The following RFC3 variants were observed in gnomAD, a reference collection of about 807,000 sequenced individuals.
RFC3 encodes replication factor C subunit 3, also known as A1 38 kDa subunit.
Under a neutral mutation model 45.1 loss-of-function variants are expected in RFC3, and 41 were observed. The observed-to-expected ratio is 0.91, with a 90% CI of 0.71 to 1.18. The LOEUF (loss-of-function observed/expected upper bound fraction) is 1.18. RFC3 is among the 50% of genes most tolerant of loss of function. RFC3 has a pLI of 0.00. For missense variants in RFC3, 423 were observed against 428.1 expected (o/e 0.99, Z 0.10); for synonymous variants, 149 against 144.0 (o/e 1.03, Z -0.25).
intron 7 of RFC3, among the ~76,000 whole-genome samples, chr13:33,832,188 T>C (rs565005499): frequency 5.9e-5 from 9 of 152,320 alleles, no homozygotes; most frequent in African/African-American, 1.9e-4. Context: ...TTGGAGAGTA[T>C]GAAGAAGGTT....
rs147969950 is a variant in RFC3 at position 33,930,593 on chromosome 13, A to G, written c.880-35494A>G. Among the ~76,000 whole-genome samples, 5 of 152,208 alleles carry G rather than the reference A, an allele frequency of 3.3e-5. No homozygotes were observed. The East Asian group carries it at 5.8e-4, about 18-fold the overall frequency. On this transcript the variant is annotated intron_variant, in intron 8 of 8. Coordinates refer to the RFC3 transcript ENST00000434425. ...ACTCAAATGTTAATCTCCTTTGGCAACACCCTCGCGGACACACCCAGGAAT... is the reference window on the plus strand; with the variant it reads ...ACTCAAATGTTAATCTCCTTTGGCAGCACCCTCGCGGACACACCCAGGAAT...
intron 8 of RFC3, among the ~76,000 whole-genome samples, chr13:33,890,849 T>G (rs2082559034): frequency 6.6e-6 from 1 of 152,202 alleles, no homozygotes; most frequent in Non-Finnish European, 1.5e-5. Flanking sequence ...ATGGGATTCC[T>G]TAATCCATTC....
chr13:33,917,864 A>G (rs80158548), intron 8 of RFC3, among the ~76,000 whole-genome samples: 1 of 151,966 alleles, frequency 6.6e-6, no homozygotes, highest in Non-Finnish European at 1.5e-5. Flanking sequence ...TTAAAAAAAA[A>G]CAAACAAACA....
At chr13:33,826,084 T>C (rs2082046629) in intron 4 of RFC3, among the ~76,000 whole-genome samples, 198 bp downstream of exon 4, 1 of 152,144 alleles carries the variant, frequency 6.6e-6, no homozygotes, top group Non-Finnish European at 1.5e-5. Flanking sequence ...TGAATAAAAA[T>C]ACGTGATTTA....
chr13:33,894,296 G>A (rs2082582968), intron 8 of RFC3, among the ~76,000 whole-genome samples: 1 of 152,172 alleles, frequency 6.6e-6, no homozygotes, highest in Admixed American at 6.6e-5. Flanking sequence ...GATTTAGTGA[G>A]TGGTGGGGAG....
At chr13:33,929,327 A>G (rs1008820531) in intron 8 of RFC3, among the ~76,000 whole-genome samples, 7 of 152,224 alleles carry the variant, frequency 4.6e-5, no homozygotes, top group African/African-American at 1.7e-4. Flanking sequence ...AAAAAATTTA[A>G]TTGTAGGTAA....
chr13:33,977,237 G>A, the RFC3 span, among the ~76,000 whole-genome samples: 3 of 152,070 alleles, frequency 2.0e-5, no homozygotes, highest in African/African-American at 7.2e-5. Flanking sequence ...GCATAGTCTT[G>A]GTTCATTAAC....
At chr13:33,966,195 A>G in exon 9 of RFC3, 2 of 1,183,990 alleles carry the variant, frequency 1.7e-6, no homozygotes, top group South Asian at 2.4e-5. Flanking sequence ...TTTTGCAAAT[A>G]TAATCCACTT....
chr13:33,857,712 T>C (rs2082316739), intron 8 of RFC3, among the ~76,000 whole-genome samples: 1 of 152,244 alleles, frequency 6.6e-6, no homozygotes, highest in African/African-American at 2.4e-5. Flanking sequence ...AATTTCCTAA[T>C]ATGAAATGTG....
intron 8 of RFC3, chr13:33,849,202 A>C (rs909720318): frequency 6.6e-6 from 1 of 152,240 alleles, no homozygotes; most frequent in African/African-American, 2.4e-5. Context: ...AGGCAAACTA[A>C]ACAGTATATG....
intron 8 of RFC3, among the ~76,000 whole-genome samples, chr13:33,857,597 T>TTAAAAC (rs1413299869): frequency 6.6e-6 from 1 of 151,794 alleles, no homozygotes; most frequent in Non-Finnish European, 1.5e-5. Flanking sequence ...AACATTAAAA[T>TTAAAAC]TAATATTTTT....
chr13:33,876,967 G>T (rs2082451480), intron 8 of RFC3, among the ~76,000 whole-genome samples: 1 of 152,216 alleles, frequency 6.6e-6, no homozygotes, highest in African/African-American at 2.4e-5. Context: ...ATGAAAAGCA[G>T]ACACTGATTT....
chr13:33,844,276 T>C (rs1419115860), intron 8 of RFC3, among the ~76,000 whole-genome samples: 1 of 152,220 alleles, frequency 6.6e-6, no homozygotes, highest in Non-Finnish European at 1.5e-5. Context: ...CATAAGAGTT[T>C]TAGCTGCCCA....
intron 4 of RFC3, among the ~76,000 whole-genome samples, chr13:33,827,107 G>A (rs1177306036): frequency 6.6e-6 from 1 of 152,018 alleles, no homozygotes; most frequent in East Asian, 1.9e-4. Context: ...TAATATCATA[G>A]GTTATATTAC....
chr13:33,869,355 A>T (rs1223185488), intron 8 of RFC3, among the ~76,000 whole-genome samples: 1 of 151,950 alleles, frequency 6.6e-6, no homozygotes, highest in East Asian at 1.9e-4. Context: ...AGGGACAGGG[A>T]ACCACAAAAA....
intron 4 of RFC3, among the ~76,000 whole-genome samples, chr13:33,828,425 G>A (rs986753798): frequency 6.6e-6 from 1 of 152,138 alleles, no homozygotes; most frequent in Non-Finnish European, 1.5e-5. Context: ...TCTTAGAAGG[G>A]AACTTCATTT....
Position 33,866,100 on chromosome 13 carries a change from A to G in RFC3, c.879+30883A>G, listed in dbSNP as rs539249710. Among the ~76,000 whole-genome samples the G allele has an allele frequency of 6.4e-4, 98 of 152,292 alleles. 3 individuals carry two copies. In the South Asian group the frequency reaches 0.02, roughly 31 times the overall value. ...AATGAAACTCGGTGTACCATAGACT[A>G]TGTCTACCAGAGACAGTAGTTCTTG... On this transcript the variant is annotated intron_variant, in intron 8 of 8. Coordinates refer to the RFC3 transcript ENST00000434425.
chr13:33,884,998 C>G (rs548815079), intron 8 of RFC3, among the ~76,000 whole-genome samples: 59 of 152,290 alleles, frequency 3.9e-4, no homozygotes, highest in Middle Eastern at 3.4e-3. Flanking sequence ...TCTTTTATTT[C>G]TCTCAGGCAC....
At chr13:33,834,336 A>ATATATATACACATACAT (rs2082133174) in intron 7 of RFC3, among the ~76,000 whole-genome samples, 4 of 135,032 alleles carry the variant, frequency 3.0e-5, no homozygotes, top group Non-Finnish European at 3.1e-5. Flanking sequence ...ATATATCTGT[A>ATATATATACACATACAT]CTGTAAAAAT....
Sources: allele counts gnomAD v4.1 joint callset (sites outside exome capture counted in the v4.1 genomes callset), GRCh38; gene constraint gnomAD v4.1.1; transcripts MANE v1.5; gene names NCBI Gene and HGNC (gene_info 2026-07-23, HGNC 2026-07-21).